The following ECT2L variants were observed in gnomAD, a reference collection of about 807,000 sequenced individuals.
The protein encoded by ECT2L is epithelial cell transforming 2 like, also known as epithelial cell-transforming sequence 2 oncogene-like.
In ECT2L, 126 loss-of-function variants were observed where a neutral mutation model predicts 122.8. The ratio of observed to expected loss-of-function variants is 1.03; its 90% CI spans 0.89 to 1.19. The LOEUF (loss-of-function observed/expected upper bound fraction) is 1.19, where lower values mean the gene tolerates loss of function less well. Among genes scored for constraint, ECT2L ranks in the 50% most tolerant of loss-of-function variants. ECT2L has a pLI of 0.00. For synonymous variants in ECT2L, 385 were observed against 381.8 expected (o/e 1.01, Z -0.10); for missense variants, 1,012 against 1,064.1 (o/e 0.95, Z 0.68).
chr6:138,894,201 C>T lies in ECT2L; in HGVS notation c.2414+5170C>T, dbSNP rs956866392. Among the ~76,000 whole-genome samples the T allele has an allele frequency of 5.3e-5, 8 of 152,156 alleles. No homozygotes were observed. In the South Asian group the frequency reaches 6.2e-4, roughly 12 times the overall value. ...CCTCCCAAGTAGCTGGGATTACAGG[C>T]ACACGCCACCACACCCAGCTAAGTT... On this transcript the variant is annotated intron_variant, in intron 20 of 21. Transcript: ENST00000541398.
At chr6:138,870,659 A>G in intron 13 of ECT2L, among the ~76,000 whole-genome samples, 1 of 137,476 alleles carries the variant, frequency 7.3e-6, no homozygotes, top group South Asian at 2.2e-4. Context: ...GAAACTAAGA[A>G]TAGTTCTTTT....
At chr6:138,840,418 CT>C (rs1317740393) in intron 5 of ECT2L, among the ~76,000 whole-genome samples, 7 of 151,994 alleles carry the variant, frequency 4.6e-5, no homozygotes, top group African/African-American at 1.4e-4. Flanking sequence ...GTTCCTGCAT[CT>C]CTGAGTTTCC....
Position 138,838,408 on chromosome 6 carries a change from C to T in ECT2L, c.236C>T (p.Thr79Ile). ...RMQVAKVDFS[T>I]VLPRFISLYI... ...CAAGTGGCCAAAGTGGACTTCTCTA[C>T]AGTGTTACCACGCTTCATTTCTCTA... is the stretch of plus-strand genomic sequence containing the variant. Residue 79 changes from threonine to isoleucine, a missense_variant, in exon 5 of 22, where the codon ACA (threonine) becomes ATA (isoleucine). Transcript: ENST00000541398. 1 of 1,613,628 alleles carries T rather than the reference C, an allele frequency of 6.2e-7. No individual in the cohort carries two copies. The highest frequency in any genetic ancestry group is 8.5e-7 in the Non-Finnish European group (1 of 1,179,820).
At chr6:138,897,851 TTCATTCACCTCTAATA>T (rs1269056017) in intron 20 of ECT2L, among the ~76,000 whole-genome samples, 2 of 152,110 alleles carry the variant, frequency 1.3e-5, no homozygotes, top group African/African-American at 4.8e-5. Flanking sequence ...GGAATTCTCT[TTCATTCACCTCTAATA>T]TCGGCATTGT....
chr6:138,852,838 A>G (rs776653904), intron 9 of ECT2L, among the ~76,000 whole-genome samples: 20 of 152,158 alleles, frequency 1.3e-4, no homozygotes, highest in Non-Finnish European at 2.4e-4. Context: ...AGTTTATATG[A>G]TGGGAGTAAG....
intron 9 of ECT2L, among the ~76,000 whole-genome samples, chr6:138,850,159 A>G (rs1777384012): frequency 6.7e-6 from 1 of 150,198 alleles, no homozygotes; most frequent in Non-Finnish European, 1.5e-5. Context: ...TCTTTTTTCG[A>G]GACAGAGTCT....
chr6:138,880,306 A>C (rs1562489352), intron 14 of ECT2L, among the ~76,000 whole-genome samples: 1 of 152,294 alleles, frequency 6.6e-6, no homozygotes, highest in East Asian at 1.9e-4. Context: ...TGGAGTGCTC[A>C]CATGGTGGAA....
chr6:138,893,164 GT>G (rs534071219), intron 20 of ECT2L, among the ~76,000 whole-genome samples: 152 of 140,684 alleles, frequency 1.1e-3, no homozygotes, highest in Admixed American at 1.9e-3. Flanking sequence ...GTGCTTCTCA[GT>G]TTTTTTTTGT....
chr6:138,896,082 T>C lies in ECT2L; in HGVS notation c.2415-4866T>C, dbSNP rs548884685. On this transcript the variant is annotated intron_variant, in intron 20 of 21. Coordinates refer to ENST00000541398, the MANE Select transcript of ECT2L (RefSeq NM_001077706.3). The stretch of plus-strand genomic sequence containing the variant: ...TCGTTTTTTTCATAAACACTGATTT[T>C]CATTGCTGAATTTTTTTTTTTTTTT... Among the ~76,000 whole-genome samples, 3 of 135,438 alleles carry C rather than the reference T, an allele frequency of 2.2e-5. No homozygotes were observed. The East Asian group carries it at 7.8e-4, about 35-fold the overall frequency. The allele number at this position is 135,438 out of a possible 152,430, so 88.9% of individuals were successfully genotyped here. A position where few individuals can be genotyped will look rare whatever the true frequency, so the allele number is the denominator to read the frequency against.
chr6:138,890,792 T>G (rs995049547), intron 20 of ECT2L, among the ~76,000 whole-genome samples: 2 of 152,176 alleles, frequency 1.3e-5, no homozygotes. Flanking sequence ...ATTTTTTGTG[T>G]GTAAAAAATT....
At chr6:138,849,581 T>A in intron 9 of ECT2L, 147 bp downstream of exon 9, 1 of 880,662 alleles carries the variant, frequency 1.1e-6, no homozygotes, top group Non-Finnish European at 1.6e-6. Flanking sequence ...AGCTTTTTTT[T>A]TTTTTTTTTA....
In ECT2L at chr6:138,849,294, G is replaced by A; in HGVS notation, c.929G>A (p.Gly310Asp). 6.2e-7 allele frequency: 1 copy of A among 1,613,304 alleles called. No individual in the cohort carries two copies. Among genetic ancestry groups the A allele is most frequent in the Non-Finnish European group, 8.5e-7 (1 of 1,179,686 alleles). Residue 310 changes from glycine to aspartate, a missense_variant, in exon 9 of 22, where the codon GGT (glycine) becomes GAT (aspartate). Transcript: ENST00000541398. ...YEMVMESVKA[G>D]VVSVVYEHSV... is the part of the protein sequence containing the mutation. ...ATGGTGATGGAGAGTGTGAAGGCTG[G>A]TGTTGTTTCTGTGGTATATGAACAC...
rs1777987552 is a variant in ECT2L, at chr6:138,865,170, G to T, written c.1466G>T (p.Arg489Met). Residue 489 changes from arginine (R) to methionine (M), a missense_variant, in exon 12 of 22, where the codon AGG becomes ATG. By Grantham distance (91) the Arg-to-Met change is moderately conservative (BLOSUM62 -1). Transcript: ENST00000541398. ...GAACTGCAGAAGAGCATCAGTGGCA[G>T]GATGATAGGTAAGCAGTCTTGCTAC... Reference protein sequence around the residue: ...FKELQKSISGRMIGQFMFDTM... With the variant: ...FKELQKSISGMMIGQFMFDTM... 3 of 1,608,604 alleles carry T rather than the reference G, an allele frequency of 1.9e-6. No homozygotes were observed. The African/African-American group carries it at 4.0e-5, about 21-fold the overall frequency.
intron 10 of ECT2L, among the ~76,000 whole-genome samples, chr6:138,860,395 C>A (rs1229649770): frequency 6.6e-6 from 1 of 151,670 alleles, no homozygotes; most frequent in African/African-American, 2.4e-5. Context: ...CTTATAACTA[C>A]TATCCTTTTT....
intron 13 of ECT2L, among the ~76,000 whole-genome samples, chr6:138,870,617 G>T (rs561048161): frequency 7.0e-6 from 1 of 143,454 alleles, no homozygotes; most frequent in African/African-American, 2.6e-5. Flanking sequence ...AGCCCTGAGA[G>T]AACTTAAGGG....
intron 1 of ECT2L, among the ~76,000 whole-genome samples, chr6:138,807,006 C>G (rs1481711532): frequency 6.6e-6 from 1 of 152,032 alleles, no homozygotes; most frequent in Non-Finnish European, 1.5e-5. Context: ...ATTCACTGTT[C>G]ATTAAGTGGA....
rs1479440608 is a variant in ECT2L, at chr6:138,873,246, G to C, written c.1579-3226G>C. On this transcript the variant is annotated intron_variant, in intron 13 of 21. Transcript: ENST00000541398. ...AATTTGATTAAAAAAAATCGAATTA[G>C]AAAAAAATACATATTAGATTCTCAT... Among the ~76,000 whole-genome samples the C allele has an allele frequency of 3.3e-5, 5 of 151,986 alleles. No individual in the cohort carries two copies. In the East Asian group the frequency reaches 9.7e-4, roughly 29 times the overall value.
chr6:138,845,712 G>A (rs1490289571), intron 7 of ECT2L, among the ~76,000 whole-genome samples: 4 of 152,174 alleles, frequency 2.6e-5, no homozygotes, highest in African/African-American at 9.7e-5. Flanking sequence ...TGCTACATAT[G>A]GATCTCTGTG....
chr6:138,805,277 A>G (rs1432023681), intron 1 of ECT2L, among the ~76,000 whole-genome samples: 1 of 152,164 alleles, frequency 6.6e-6, no homozygotes, highest in Non-Finnish European at 1.5e-5. Flanking sequence ...GCAGCTGTGC[A>G]TCTTCTTGGT....
Sources: gnomAD v4.1 joint callset for allele counts (sites outside exome capture counted in the v4.1 genomes callset) on GRCh38, gnomAD v4.1.1 for gene constraint, MANE v1.5 for transcripts, NCBI Gene and HGNC (gene_info 2026-07-23, HGNC 2026-07-21) for gene names.